Variants in BCL11B observed in about 807,000 individuals in gnomAD.
The protein encoded by BCL11B is B-cell lymphoma/leukemia 11B.
BCL11B carries 8 observed loss-of-function variants against 49.9 expected under a neutral mutation model. That is an observed-to-expected ratio of 0.16 (90% CI 0.09 to 0.29). The LOEUF is 0.29. Among genes scored for constraint, BCL11B ranks in the 10% least tolerant of loss-of-function variants. BCL11B has a pLI of 1.00. For synonymous variants in BCL11B, 739 were observed against 637.4 expected, an observed-to-expected ratio of 1.16 and a Z score of -2.40; for missense variants, 1,006 against 1,351.0, an observed-to-expected ratio of 0.74 and a Z score of 4.00.
chr14:99,227,518 C>CG (rs1009394597), intron 3 of BCL11B, among the ~76,000 whole-genome samples: 4 of 152,136 alleles, frequency 2.6e-5, no homozygotes, highest in African/African-American at 9.7e-5. Flanking sequence ...TTCTGGCATG[C>CG]GGGGCACAAA....
chr14:99,182,472 T>C (rs1453999028), intron 3 of BCL11B, among the ~76,000 whole-genome samples: 3 of 152,180 alleles, frequency 2.0e-5, no homozygotes, highest in Non-Finnish European at 4.4e-5. Flanking sequence ...TATTTTACCT[T>C]TCATTTCAGC....
At chr14:99,183,145 G>C (rs1213193846) in intron 3 of BCL11B, among the ~76,000 whole-genome samples, 2 of 152,088 alleles carry the variant, frequency 1.3e-5, no homozygotes, top group Admixed American at 1.3e-4. Context: ...TGCTGGGAGA[G>C]AGAAGAATTC....
At position 99,174,006 on chromosome 14, in the gene BCL11B, C is replaced by T; in HGVS notation, c.*145G>A. 1 of 729,542 alleles carries T rather than the reference C, an allele frequency of 1.4e-6. No homozygotes were observed. Among genetic ancestry groups the T allele is most frequent in the East Asian group, 2.7e-5 (1 of 37,004 alleles). The allele number at this position is 729,542 out of a possible 1,614,324, so 45.2% of individuals were successfully genotyped here. ...GGGTTTCCATAGGACTTCGCAGACA[C>T]AGGTTAGGTTGGAGTGCCGCCTCCC... On this transcript the variant is annotated 3_prime_UTR_variant, in exon 4 of 4. Transcript: ENST00000357195.
intron 1 of BCL11B, among the ~76,000 whole-genome samples, chr14:99,267,641 G>C (rs1284495983): frequency 1.3e-5 from 2 of 151,774 alleles, no homozygotes; most frequent in Admixed American, 6.6e-5. Context: ...GACCACTGGA[G>C]ATATACTCTA....
chr14:99,174,150 C>T lies in BCL11B; in HGVS notation c.*1G>A, dbSNP rs1246730445. On this transcript the variant is annotated 3_prime_UTR_variant, in exon 4 of 4. Transcript: ENST00000357195. ...GGTGCGGGGCGCCGGGGCCCGCGCG[C>T]TTAGCTCCTCTCGGCCTGCTCGATT... 1.2e-6 allele frequency: 2 copies of T among 1,611,686 alleles called. No individual in the cohort carries two copies. The highest frequency in any genetic ancestry group is 4.5e-5 in the East Asian group (2 of 44,830).
In BCL11B at chr14:99,247,001, G is replaced by A. The variant is rs930767223; in HGVS notation, c.427+10470C>T. ...GCAGACAGTGACCCAGGCCCCAGAGGGCTCCGCAGCCTGGAGCCTCGCGTC... is the reference window on the plus strand; with the variant it reads ...GCAGACAGTGACCCAGGCCCCAGAGAGCTCCGCAGCCTGGAGCCTCGCGTC... On this transcript the variant is annotated intron_variant, in intron 2 of 3. Coordinates refer to ENST00000357195, the MANE Select transcript of BCL11B (RefSeq NM_138576.4). The surrounding 1 kb of genome is among the most constrained non-coding windows in gnomAD (Gnocchi z 4.5). Among the ~76,000 whole-genome samples the A allele has an allele frequency of 1.3e-5, 2 of 152,250 alleles. No homozygotes were observed. The highest frequency in any genetic ancestry group is 4.8e-5 in the African/African-American group (2 of 41,540).
intron 3 of BCL11B, among the ~76,000 whole-genome samples, chr14:99,208,709 G>A (rs539109951): frequency 5.9e-5 from 9 of 152,226 alleles, no homozygotes; most frequent in South Asian, 4.1e-4. Flanking sequence ...CACTGGGCCC[G>A]TTGTTTGAGG....
intron 3 of BCL11B, among the ~76,000 whole-genome samples, chr14:99,229,070 G>GGATGGATGGATGGATA (rs1888246735): frequency 1.1e-4 from 17 of 149,176 alleles, no homozygotes; most frequent in African/African-American, 3.3e-4. Flanking sequence ...ATGGATGGAT[G>GGATGGATGGATGGATA]GATGGATGGA....
rs1466430185 is a variant in BCL11B, at chr14:99,170,631, A to T, written c.*3520T>A. On this transcript the variant is annotated 3_prime_UTR_variant, in exon 4 of 4. Transcript: ENST00000357195. ...TGGAGAGGAAACGCAGGGGAAGGAG[A>T]GAGAACGAGATATGGAAAGGCACCA... 1 of 233,100 alleles carries T rather than the reference A, an allele frequency of 4.3e-6. No homozygotes were observed. Among genetic ancestry groups the T allele is most frequent in the Non-Finnish European group, 8.5e-6 (1 of 117,754 alleles). The allele number at this position is 233,100 out of a possible 1,614,324, so 14.4% of individuals were successfully genotyped here.
chr14:99,204,945 A>G (rs1485499100), intron 3 of BCL11B, among the ~76,000 whole-genome samples: 2 of 152,186 alleles, frequency 1.3e-5, no homozygotes, highest in Non-Finnish European at 2.9e-5. Context: ...TGGGGCCTAA[A>G]TTCAGCCCAC....
chr14:99,237,236 C>CTTTTTTTTTTTTTTTT (rs56991081), intron 2 of BCL11B, among the ~76,000 whole-genome samples: 1 of 132,810 alleles, frequency 7.5e-6, no homozygotes. Context: ...CTTTTTTTTT[C>CTTTTTTTTTTTTTTTT]TTTTTTTTTT....
At position 99,179,768 on chromosome 14, in the gene BCL11B, G is replaced by A. The variant is rs571039110; in HGVS notation, c.641-3573C>T. On this transcript the variant is annotated intron_variant, in intron 3 of 3. Coordinates refer to ENST00000357195, the MANE Select transcript of BCL11B (RefSeq NM_138576.4). The stretch of plus-strand genomic sequence containing the variant: ...AAAATCACCCAGCCCTCAGAGGCCC[G>A]CCCTAGACAACTTTCTTTCCAGTCC... Among the ~76,000 whole-genome samples, 79 of 152,112 alleles carry A rather than the reference G, an allele frequency of 5.2e-4. 1 individual carries two copies. The highest frequency in any genetic ancestry group is 1.5e-3 in the African/African-American group (64 of 41,488).
chr14:99,188,221 G>C (rs767394679), intron 3 of BCL11B, among the ~76,000 whole-genome samples: 1 of 152,222 alleles, frequency 6.6e-6, no homozygotes, highest in Non-Finnish European at 1.5e-5. Flanking sequence ...CTAGCCCAGG[G>C]TTTGTGGAGA....
chr14:99,243,684 A>G (rs1282269521), intron 2 of BCL11B, among the ~76,000 whole-genome samples: 1 of 152,198 alleles, frequency 6.6e-6, no homozygotes, highest in Non-Finnish European at 1.5e-5. Context: ...TCCAGCAACA[A>G]CAAATATTAT....
chr14:99,223,518 G>A (rs530920725), intron 3 of BCL11B, among the ~76,000 whole-genome samples: 1 of 152,188 alleles, frequency 6.6e-6, no homozygotes, highest in Non-Finnish European at 1.5e-5. Context: ...AGTGGTCCAG[G>A]TGACCTTCAA....
chr14:99,186,042 A>C lies in BCL11B; in HGVS notation c.641-9847T>G, dbSNP rs558899889. ...CACAAAGAAATGAAGGTCTGTCCTCATGGAGCATAAAGTCTAGAGCAAGAG... is the reference window on the plus strand; with the variant it reads ...CACAAAGAAATGAAGGTCTGTCCTCCTGGAGCATAAAGTCTAGAGCAAGAG... On this transcript the variant is annotated intron_variant, in intron 3 of 3. Transcript: ENST00000357195. 1.9e-4 allele frequency among the ~76,000 whole-genome samples: 29 copies of C among 152,338 alleles called. No individual in the cohort carries two copies. In the East Asian group the frequency reaches 5.4e-3, roughly 28 times the overall value.
chr14:99,191,722 A>C (rs80251862), intron 3 of BCL11B, among the ~76,000 whole-genome samples: 1 of 147,152 alleles, frequency 6.8e-6, no homozygotes, highest in Non-Finnish European at 1.5e-5. Context: ...CCCTCCACCA[A>C]AAAAAAAAAA....
chr14:99,198,308 G>A (rs142577463), intron 3 of BCL11B, among the ~76,000 whole-genome samples: 5 of 152,206 alleles, frequency 3.3e-5, no homozygotes, highest in African/African-American at 1.2e-4. Context: ...GTTTCCTTTC[G>A]GTCCCTTTCC....
At chr14:99,246,284 G>A (rs1329212348) in intron 2 of BCL11B, among the ~76,000 whole-genome samples, 1 of 152,212 alleles carries the variant, frequency 6.6e-6, no homozygotes, top group Non-Finnish European at 1.5e-5. Flanking sequence ...TCAGGCAGCT[G>A]CTCCATTAAG....
Sources: allele counts gnomAD v4.1 joint callset (sites outside exome capture counted in the v4.1 genomes callset), GRCh38; gene constraint gnomAD v4.1.1; non-coding constraint Gnocchi (gnomAD v3.1); transcripts MANE v1.5; gene names NCBI Gene and HGNC (gene_info 2026-07-23, HGNC 2026-07-21).